The following TGM3 variants were observed in gnomAD, a reference collection of about 807,000 sequenced individuals.
TGM3 encodes protein-glutamine gamma-glutamyltransferase E.
In TGM3, 52 loss-of-function variants were observed where a neutral mutation model predicts 73.8. The observed-to-expected ratio is 0.70, with a 90% CI of 0.56 to 0.89. The LOEUF (loss-of-function observed/expected upper bound fraction) is 0.89, where lower values mean the gene tolerates loss of function less well. TGM3 is among the 40% of genes least tolerant of loss of function. The pLI is 0.00. For synonymous variants in TGM3, 372 were observed against 354.9 expected, an observed-to-expected ratio of 1.05 and a Z score of -0.54; for missense variants, 928 against 909.9, an observed-to-expected ratio of 1.02 and a Z score of -0.26.
intron 7 of TGM3, 98 bp from the exon 8 acceptor site, chr20:2,325,751 G>A (rs2084283591): frequency 1.2e-6 from 1 of 853,708 alleles, no homozygotes; most frequent in Non-Finnish European, 1.9e-6. Flanking sequence ...CTCGATGCAT[G>A]TTGTCATGCT....
Position 2,328,152 on chromosome 20 carries a change from G to A in TGM3, c.1120G>A (p.Gly374Ser). 1 of 1,614,146 alleles carries A rather than the reference G, an allele frequency of 6.2e-7. No homozygotes were observed. The highest frequency in any genetic ancestry group is 8.5e-7 in the Non-Finnish European group (1 of 1,180,020). The change falls in exon 9 of 13, where the codon GGT (glycine) becomes AGT (serine). Residue 374 changes from glycine to serine, a missense_variant. Transcript: ENST00000381458. The surrounding 1 kb of genome is among the most constrained non-coding windows in gnomAD (Gnocchi z 5.2). ...CCAGTGCGGCCCCGCTTCGGTCATTGGTGTTCGAGAGGGTGATGTGCAGCT... is the reference window on the plus strand; with the variant it reads ...CCAGTGCGGCCCCGCTTCGGTCATTAGTGTTCGAGAGGGTGATGTGCAGCT... ...VFQCGPASVI[G>S]VREGDVQLNF...
intron 7 of TGM3, among the ~76,000 whole-genome samples, chr20:2,323,904 T>C (rs1322439059): frequency 6.6e-6 from 1 of 152,226 alleles, no homozygotes; most frequent in Admixed American, 6.5e-5. Flanking sequence ...TATGGGCATG[T>C]TTTTCTTTTT....
Position 2,340,801 on chromosome 20 carries a change from C to T in TGM3, c.*220C>T, listed in dbSNP as rs769411456. On this transcript the variant is annotated 3_prime_UTR_variant, in exon 13 of 13. Coordinates refer to ENST00000381458, the MANE Select transcript of TGM3 (RefSeq NM_003245.4). ...ATGACTTGATCACTTTTGCACATTC[C>T]CTGGCCGCTTCTCCCCAGAGCTGCC... is the stretch of plus-strand genomic sequence containing the variant. 4 of 681,514 alleles carry T rather than the reference C, an allele frequency of 5.9e-6. No individual in the cohort carries two copies. The East Asian group carries it at 1.2e-4, about 20-fold the overall frequency. The allele number at this position is 681,514 out of a possible 1,614,324, so 42.2% of individuals were successfully genotyped here. A position where few individuals can be genotyped will look rare whatever the true frequency, so the allele number is the denominator to read the frequency against.
rs4097063 is a variant in TGM3, at chr20:2,340,011, G to C, written c.1934+24G>C. ...GAGTGAGTCCTGGGCCTAAGTGGCC[G>C]GTGCAGGAGGGCGGGAGGGGGCGGG... is the stretch of plus-strand genomic sequence containing the variant. On this transcript the variant is annotated intron_variant, in intron 12 of 12. Transcript: ENST00000381458. 10,231 of 1,569,112 alleles carry C rather than the reference G, an allele frequency of 6.5e-3. 563 individuals are homozygous for C. The African/African-American group carries it at 0.12, about 18-fold the overall frequency.
Position 2,309,835 on chromosome 20 carries a change from C to T in TGM3, c.181+5C>T. On this transcript the variant is annotated splice_donor_5th_base_variant and intron_variant, in intron 2 of 12. Coordinates refer to ENST00000381458, the MANE Select transcript of TGM3 (RefSeq NM_003245.4). The stretch of plus-strand genomic sequence containing the variant: ...TGGAGTTCATTGTCTCCACAGGTAC[C>T]TGCTCATTCCCCTCCTTGCCCAAAC... The T allele has an allele frequency of 1.2e-6, 2 of 1,614,086 alleles. No individual in the cohort carries two copies. The highest frequency in any genetic ancestry group is 1.7e-6 in the Non-Finnish European group (2 of 1,179,938).
In TGM3 at chr20:2,328,184, C is replaced by T. The variant is rs575267128; in HGVS notation, c.1152C>T (p.Phe384=). The change falls in exon 9 of 13, where the codon TTC becomes TTT. Residue 384 remains phenylalanine, a synonymous_variant. Transcript: ENST00000381458. The surrounding 1 kb of genome is among the most constrained non-coding windows in gnomAD (Gnocchi z 5.2). The part of the protein sequence containing the change: ...GVREGDVQLN[F]DMPFIFAEVN... ...GAGAGGGTGATGTGCAGCTGAACTT[C>T]GACATGCCCTTTATCTTCGCGGAGG... The T allele has an allele frequency of 2.4e-5, 39 of 1,614,040 alleles. 1 individual carries two copies. The highest frequency in any genetic ancestry group is 4.5e-5 in the East Asian group (2 of 44,886).
At chr20:2,299,851 A>G (rs565514136) in intron 1 of TGM3, among the ~76,000 whole-genome samples, 103 of 152,334 alleles carry the variant, frequency 6.8e-4, no homozygotes, top group African/African-American at 2.4e-3. Context: ...TAATCCCAGC[A>G]CATTGGGAGG....
In TGM3 at chr20:2,317,456, C is replaced by T. The variant is rs1480610239; in HGVS notation, c.954C>T (p.Asn318=). ...ATGTGTACTACGACCCCATGGGAAA[C>T]CCCCTGGACAAGGGTAGTGATAGCG... ...SVDVYYDPMG[N]PLDKGSDSVW... is the part of the protein sequence containing the mutation. The change falls in exon 7 of 13, where the codon AAC becomes AAT. Residue 318 remains asparagine (N), a synonymous_variant. Transcript: ENST00000381458. The T allele has an allele frequency of 4.3e-6, 7 of 1,614,094 alleles. No individual in the cohort carries two copies. In the African/African-American group the frequency reaches 9.3e-5, roughly 22 times the overall value.
At chr20:2,331,043 TAAAAA>T (rs2084318530) in intron 9 of TGM3, among the ~76,000 whole-genome samples, 2 of 103,970 alleles carry the variant, frequency 1.9e-5, no homozygotes, top group Non-Finnish European at 4.1e-5. Context: ...AGAAAAAAAA[TAAAAA>T]AAGAAAAGAA....
Position 2,310,398 on chromosome 20 carries a change from T to G in TGM3, c.402T>G (p.Leu134=), listed in dbSNP as rs1240314623. ...SSVKLGTFIL[L]FNPWLNVDSV... is the part of the protein sequence containing the mutation. Reference sequence around the variant, plus strand: ...TGAAACTTGGGACGTTCATACTGCTTTTTAACCCCTGGCTGAATGGTAGGT... The same window carrying G: ...TGAAACTTGGGACGTTCATACTGCTGTTTAACCCCTGGCTGAATGGTAGGT... The change falls in exon 3 of 13, where the codon CTT becomes CTG. Residue 134 remains leucine, a synonymous_variant. Coordinates refer to ENST00000381458, the MANE Select transcript of TGM3 (RefSeq NM_003245.4). 59 of 1,614,100 alleles carry G rather than the reference T, an allele frequency of 3.7e-5. No homozygotes were observed. The highest frequency in any genetic ancestry group is 4.4e-5 in the Non-Finnish European group (52 of 1,180,028).
intron 9 of TGM3, among the ~76,000 whole-genome samples, chr20:2,330,698 G>A (rs6106526): frequency 0.11 from 16,853 of 152,140 alleles, 3,037 homozygotes; most frequent in African/African-American, 0.38. Flanking sequence ...TTGCTGTATC[G>A]TAAAATGCTT....
chr20:2,319,957 G>A (rs1419800246), intron 7 of TGM3, among the ~76,000 whole-genome samples: 1 of 152,202 alleles, frequency 6.6e-6, no homozygotes, highest in Non-Finnish European at 1.5e-5. Flanking sequence ...TAAGTCCTTT[G>A]CCAGCTTAAA....
At chr20:2,305,992 C>A (rs214798) in intron 1 of TGM3, among the ~76,000 whole-genome samples, 4 of 151,914 alleles carry the variant, frequency 2.6e-5, no homozygotes, top group African/African-American at 9.7e-5. Flanking sequence ...TGCAAAATAC[C>A]CCTCATATTC....
At position 2,310,352 on chromosome 20, in the gene TGM3, C is replaced by T. The variant is rs1039368611; in HGVS notation, c.356C>T (p.Ser119Phe). The part of the protein sequence containing the change: ...GRYTMALQIF[S>F]QGGISSVKLG... ...TACACAATGGCCCTCCAGATCTTCTCCCAGGGCGGCATCTCCTCTGTGAAA... is the reference window on the plus strand; with the variant it reads ...TACACAATGGCCCTCCAGATCTTCTTCCAGGGCGGCATCTCCTCTGTGAAA... Residue 119 changes from serine to phenylalanine, a missense_variant, in exon 3 of 13, where the codon TCC becomes TTC. By Grantham distance (155) the Ser-to-Phe change is radical (BLOSUM62 -2). Coordinates refer to ENST00000381458, the MANE Select transcript of TGM3 (RefSeq NM_003245.4). 18 of 1,614,242 alleles carry T rather than the reference C, an allele frequency of 1.1e-5. No individual in the cohort carries two copies. The highest frequency in any genetic ancestry group is 1.4e-5 in the Non-Finnish European group (16 of 1,180,034).
intron 1 of TGM3, among the ~76,000 whole-genome samples, chr20:2,307,894 A>C (rs2084183653): frequency 1.3e-5 from 2 of 152,072 alleles, no homozygotes; most frequent in Admixed American, 6.6e-5. Context: ...TTATCCTAAT[A>C]CAGTCAAGCA....
intron 1 of TGM3, among the ~76,000 whole-genome samples, chr20:2,307,647 C>T (rs1439860938): frequency 2.6e-5 from 4 of 152,128 alleles, no homozygotes; most frequent in Non-Finnish European, 5.9e-5. Context: ...CTTGTCTTAT[C>T]CACTGCTGAA....
In TGM3 at chr20:2,328,353, A is replaced by G; in HGVS notation, c.1321A>G (p.Lys441Glu). The change falls in exon 9 of 13, where the codon AAG (lysine) becomes GAG (glutamate). Residue 441 changes from lysine to glutamate, a missense_variant. Physicochemically the swap from Lys to Glu is moderately conservative, Grantham distance 56. Transcript: ENST00000381458. This position sits in a 1 kb window ranked among gnomAD's most constrained non-coding sequence, Gnocchi z 5.2. ...NARMDVTDKY[K>E]YPEGSDQERQ... is the part of the protein sequence containing the mutation. ...TCGCATGGACGTCACGGACAAGTAC[A>G]AGTACCCAGAAGGTAGGAGGGACGC... 1 of 1,614,126 alleles carries G rather than the reference A, an allele frequency of 6.2e-7. No homozygotes were observed. The highest frequency in any genetic ancestry group is 8.5e-7 in the Non-Finnish European group (1 of 1,180,002).
At chr20:2,339,786 C>G in intron 11 of TGM3, 68 bp from the exon 12 acceptor site, 1 of 1,603,854 alleles carries the variant, frequency 6.2e-7, no homozygotes, top group Non-Finnish European at 8.5e-7. Flanking sequence ...CCCTGCCCAG[C>G]CCTCACCAAG....
At position 2,332,976 on chromosome 20, in the gene TGM3, G is replaced by A. The variant is rs147262120; in HGVS notation, c.1642+666G>A. ...GACAGGTTTTCTTAGAAGTCTGAGC[G>A]TTTGGGAGGAACAGTGACTCCTTGC... On this transcript the variant is annotated intron_variant, in intron 10 of 12. Coordinates refer to ENST00000381458, the MANE Select transcript of TGM3 (RefSeq NM_003245.4). This position sits in a 1 kb window ranked among gnomAD's most constrained non-coding sequence, Gnocchi z 4.4. Among the ~76,000 whole-genome samples, 15 of 152,322 alleles carry A rather than the reference G, an allele frequency of 9.8e-5. No homozygotes were observed. In the East Asian group the frequency reaches 1.5e-3, roughly 16 times the overall value.
Sources: gnomAD v4.1 joint callset for allele counts (sites outside exome capture counted in the v4.1 genomes callset) on GRCh38, gnomAD v4.1.1 for gene constraint, Gnocchi (gnomAD v3.1) non-coding constraint, MANE v1.5 for transcripts, NCBI Gene and HGNC (gene_info 2026-07-23, HGNC 2026-07-21) for gene names.